Variants in LOC400499 observed in about 807,000 individuals in gnomAD.
At chr16:11,389,685 CAA>C in the LOC400499 span, among the ~76,000 whole-genome samples, 2,556 of 58,846 alleles carry the variant, frequency 0.043, 41 homozygotes, top group African/African-American at 0.16. Flanking sequence ...AACTCCATCT[CAA>C]AAAAAAAAAA....
the LOC400499 span, chr16:11,494,904 G>C: frequency 2.5e-6 from 1 of 397,324 alleles, no homozygotes. Flanking sequence ...TCTTTTCAGG[G>C]AACATTTTAA....
chr16:11,431,086 CG>C, the LOC400499 span: 13 of 398,930 alleles, frequency 3.3e-5, no homozygotes, highest in Non-Finnish European at 5.3e-5. Flanking sequence ...TGTCAGGAGG[CG>C]GGGCATCGCT....
At chr16:11,469,936 C>G in the LOC400499 span, among the ~76,000 whole-genome samples, 1 of 151,204 alleles carries the variant, frequency 6.6e-6, no homozygotes, top group Non-Finnish European at 1.5e-5. Context: ...GAGTCCCGCT[C>G]TGTTGCCCAG....
chr16:11,442,721 T>C, the LOC400499 span, among the ~76,000 whole-genome samples: 2 of 152,164 alleles, frequency 1.3e-5, no homozygotes, highest in Non-Finnish European at 2.9e-5. Context: ...TTAATTTCCT[T>C]AAAAAATTTA....
chr16:11,474,807 C>T, the LOC400499 span, among the ~76,000 whole-genome samples: 1 of 152,074 alleles, frequency 6.6e-6, no homozygotes, highest in African/African-American at 2.4e-5. Context: ...GAGATGGAGG[C>T]TGCAGTGAGC....
At chr16:11,401,139 C>T in the LOC400499 span, 10 of 397,850 alleles carry the variant, frequency 2.5e-5, no homozygotes, top group Non-Finnish European at 3.5e-5. Flanking sequence ...GCTGTGATTC[C>T]GGAGAAGTCT....
the LOC400499 span, chr16:11,383,865 A>C: frequency 1.1e-5 from 14 of 1,232,132 alleles, no homozygotes; most frequent in Non-Finnish European, 1.3e-5. Flanking sequence ...TCTGCACCCC[A>C]TGGGCCAGGC....
At chr16:11,421,572 T>G in the LOC400499 span, among the ~76,000 whole-genome samples, 1 of 152,090 alleles carries the variant, frequency 6.6e-6, no homozygotes, top group Non-Finnish European at 1.5e-5. Flanking sequence ...CAGCTAATTT[T>G]GTTGTATTTT....
chr16:11,481,977 C>A, the LOC400499 span, among the ~76,000 whole-genome samples: 1 of 152,124 alleles, frequency 6.6e-6, no homozygotes, highest in Admixed American at 6.5e-5. Context: ...ATGAGAATTT[C>A]ATCTCTTAAA....
chr16:11,448,924 C>G, the LOC400499 span: 8 of 1,478,458 alleles, frequency 5.4e-6, no homozygotes, highest in Admixed American at 1.0e-4. Context: ...CTTACCCACT[C>G]CAGGTGCCTG....
the LOC400499 span, among the ~76,000 whole-genome samples, chr16:11,468,752 C>A: frequency 5.3e-5 from 8 of 152,138 alleles, no homozygotes; most frequent in African/African-American, 1.7e-4. Context: ...CTCAGTCTCC[C>A]AGGTAGCTCG....
the LOC400499 span, among the ~76,000 whole-genome samples, chr16:11,517,851 A>G: frequency 0.011 from 1,729 of 152,246 alleles, 31 homozygotes; most frequent in African/African-American, 0.04. Flanking sequence ...GAAGACAGAG[A>G]TGCTTCAAGA....
chr16:11,489,955 G>C, the LOC400499 span, among the ~76,000 whole-genome samples: 1 of 152,188 alleles, frequency 6.6e-6, no homozygotes, highest in Admixed American at 6.5e-5. Flanking sequence ...AACGGCAAAA[G>C]ACCAGAAACA....
the LOC400499 span, among the ~76,000 whole-genome samples, chr16:11,498,377 G>A: frequency 6.6e-6 from 1 of 152,118 alleles, no homozygotes; most frequent in Non-Finnish European, 1.5e-5. Context: ...AGCTACTCAG[G>A]AGGCTGAGGC....
the LOC400499 span, chr16:11,494,737 G>T: frequency 5.0e-6 from 2 of 399,208 alleles, no homozygotes; most frequent in East Asian, 3.6e-5. Flanking sequence ...CGCCAGGGCT[G>T]GCCCTCGGGG....
chr16:11,397,120 C>T, the LOC400499 span, among the ~76,000 whole-genome samples: 4 of 152,186 alleles, frequency 2.6e-5, no homozygotes, highest in Admixed American at 2.0e-4. Flanking sequence ...ACCCAGGAGG[C>T]CGGCACCTAG....
At chr16:11,456,661 C>T in the LOC400499 span, among the ~76,000 whole-genome samples, 2 of 152,092 alleles carry the variant, frequency 1.3e-5, no homozygotes, top group South Asian at 4.1e-4. Context: ...CTCCTGGCCT[C>T]GAGAAGTCCT....
the LOC400499 span, chr16:11,384,164 C>A: frequency 5.8e-6 from 7 of 1,213,134 alleles, no homozygotes; most frequent in Non-Finnish European, 5.2e-6. Context: ...CTGCAGTGAG[C>A]AGCCCTCAAG....
chr16:11,393,049 T>C, the LOC400499 span, among the ~76,000 whole-genome samples: 19 of 151,938 alleles, frequency 1.3e-4, no homozygotes. Flanking sequence ...AGAGATGGGG[T>C]TTCACCGTGT....
Sources: gnomAD v4.1 joint callset for allele counts (sites outside exome capture counted in the v4.1 genomes callset) on GRCh38, gnomAD v4.1.1 for gene constraint, MANE v1.5 for transcripts.